Variants in NLRC4 observed in about 807,000 individuals in gnomAD.
The protein encoded by NLRC4 is NLR family CARD domain-containing protein 4.
In NLRC4, 63 loss-of-function variants were observed where a neutral mutation model predicts 79.9. The observed-to-expected ratio is 0.79, with a 90% CI of 0.64 to 0.97. NLRC4 has a LOEUF of 0.97. Among genes scored for constraint, NLRC4 ranks in the 50% least tolerant of loss-of-function variants. The pLI is 0.00. For synonymous variants in NLRC4, 461 were observed against 456.5 expected, an observed-to-expected ratio of 1.01 and a Z score of -0.12; for missense variants, 1,074 against 1,215.2, an observed-to-expected ratio of 0.88 and a Z score of 1.73.
At chr2:32,225,502 G>A (rs1686366039) in intron 8 of NLRC4, among the ~76,000 whole-genome samples, 1 of 151,926 alleles carries the variant, frequency 6.6e-6, no homozygotes, top group Admixed American at 6.6e-5. Flanking sequence ...CAGTTTAGGT[G>A]GTACTGGAAC....
At chr2:32,263,005 C>A (rs935773782) in intron 1 of NLRC4, among the ~76,000 whole-genome samples, 1 of 151,880 alleles carries the variant, frequency 6.6e-6, no homozygotes, top group Non-Finnish European at 1.5e-5. Flanking sequence ...CATAAGCCAC[C>A]ATGCCCAGCT....
At position 32,235,237 on chromosome 2, in the gene NLRC4, G is replaced by A. The variant is rs1299147741; in HGVS notation, c.2782+164C>T. On this transcript the variant is annotated intron_variant, in intron 8 of 8. Transcript: ENST00000402280. ...AAATAGAATCTGAAGGAAGGCCAGT[G>A]TTTTAAGTCTTCTTACTCTAACGTG... 2.0e-5 allele frequency among the ~76,000 whole-genome samples: 3 copies of A among 152,116 alleles called. No homozygotes were observed. In the East Asian group the frequency reaches 5.8e-4, roughly 29 times the overall value.
intron 4 of NLRC4, among the ~76,000 whole-genome samples, chr2:32,244,310 T>C (rs1286686720): frequency 1.3e-5 from 2 of 151,876 alleles, no homozygotes; most frequent in East Asian, 1.9e-4. Context: ...TAAAATGACA[T>C]GATCATATAA....
intron 1 of NLRC4, among the ~76,000 whole-genome samples, chr2:32,258,646 T>G (rs1231078689): frequency 6.6e-6 from 1 of 152,232 alleles, no homozygotes; most frequent in African/African-American, 2.4e-5. Context: ...CTTTATCCTA[T>G]GAGCAACTGG....
At chr2:32,235,291 T>A (rs548151595) in intron 8 of NLRC4, 110 bp downstream of exon 8, 35 of 760,056 alleles carry the variant, frequency 4.6e-5, no homozygotes, top group Middle Eastern at 2.7e-4. Flanking sequence ...ATTTATATTT[T>A]AAAAAAAAGA....
At position 32,250,779 on chromosome 2, in the gene NLRC4, A is replaced by G. The variant is rs750102680; in HGVS notation, c.1085T>C (p.Leu362Pro). The G allele has an allele frequency of 1.9e-6, 3 of 1,614,104 alleles. No homozygotes were observed. The highest frequency in any genetic ancestry group is 2.5e-6 in the Non-Finnish European group (3 of 1,180,028). The change falls in exon 4 of 9, where the codon CTG becomes CCG. Residue 362 changes from leucine to proline, a missense_variant. Transcript: ENST00000402280. The surrounding 1 kb of genome is among the most constrained non-coding windows in gnomAD (Gnocchi z 4.9). ...SEFHSHTQTTLFHTFYDLLIQ... is the reference protein window; with the variant it reads ...SEFHSHTQTTPFHTFYDLLIQ... ...CAACAGATCATAGAAGGTATGGAAC[A>G]GCGTTGTTTGTGTGTGAGAGTGGAA...
At chr2:32,262,232 C>T (rs1687370280) in intron 1 of NLRC4, among the ~76,000 whole-genome samples, 1 of 152,118 alleles carries the variant, frequency 6.6e-6, no homozygotes, top group Admixed American at 6.5e-5. Context: ...ATGACTGGCA[C>T]ACAGGAAGGA....
intron 8 of NLRC4, among the ~76,000 whole-genome samples, chr2:32,233,322 T>TAC (rs2148932486): frequency 1.6e-5 from 1 of 63,408 alleles, no homozygotes; most frequent in African/African-American, 8.0e-5. Context: ...AAATTTTAAA[T>TAC]ATATATATAT....
At chr2:32,259,814 A>T (rs1687296202) in intron 1 of NLRC4, among the ~76,000 whole-genome samples, 1 of 152,198 alleles carries the variant, frequency 6.6e-6, no homozygotes, top group African/African-American at 2.4e-5. Flanking sequence ...AAACGGAATC[A>T]TACAGTATGT....
At chr2:32,260,985 G>A (rs1280791189) in intron 1 of NLRC4, among the ~76,000 whole-genome samples, 1 of 151,982 alleles carries the variant, frequency 6.6e-6, no homozygotes, top group East Asian at 1.9e-4. Context: ...AAAGTCAGGA[G>A]ATCGAGACCA....
At chr2:32,242,248 A>G (rs181896439) in intron 4 of NLRC4, among the ~76,000 whole-genome samples, 24 of 152,368 alleles carry the variant, frequency 1.6e-4, no homozygotes, top group Middle Eastern at 3.4e-3. Flanking sequence ...TGAAAAGATC[A>G]ATAAAATTTA....
In NLRC4 at chr2:32,246,013, G is replaced by A. The variant is rs143736523; in HGVS notation, c.2257+3594C>T. Among the ~76,000 whole-genome samples, 368 of 151,836 alleles carry A rather than the reference G, an allele frequency of 2.4e-3. 7 individuals are homozygous for A. The East Asian group carries it at 0.044, about 18-fold the overall frequency. On this transcript the variant is annotated intron_variant, in intron 4 of 8. Coordinates refer to ENST00000402280, the MANE Select transcript of NLRC4 (RefSeq NM_001199138.2). ...AGCCTGGCCAACATGGTGAAACCCC[G>A]TCTGTACTAAAAATACAAAAATTAG...
Position 32,227,089 on chromosome 2 carries a change from TCTA to T in NLRC4, c.2783-2327_2783-2325del, listed in dbSNP as rs766523737. 5.9e-5 allele frequency among the ~76,000 whole-genome samples: 9 copies of T among 152,096 alleles called. 1 individual carries two copies. The South Asian group carries it at 1.7e-3, about 28-fold the overall frequency. ...TGTCACTTTTCCGCTTTTCCCCTCT[TCTA>T]CTAGGTTGAAATGATCACAGGGCAG... On this transcript the variant is annotated intron_variant, in intron 8 of 8. Transcript: ENST00000402280.
intron 4 of NLRC4, 68 bp from the exon 5 acceptor site, chr2:32,241,193 C>G: frequency 1.1e-6 from 1 of 945,458 alleles, no homozygotes; most frequent in Non-Finnish European, 1.7e-6. Context: ...TTTACTATTA[C>G]TGTCATTTTT....
chr2:32,250,665 C>G lies in NLRC4; in HGVS notation c.1199G>C (p.Gly400Ala). 6.2e-7 allele frequency: 1 copy of G among 1,614,158 alleles called. No homozygotes were observed. Among genetic ancestry groups the G allele is most frequent in the East Asian group, 2.2e-5 (1 of 44,880 alleles). The change falls in exon 4 of 9, where the codon GGT becomes GCT. Residue 400 changes from glycine (G) to alanine (A), a missense_variant. Gly to Ala is a moderately conservative substitution (Grantham distance 60, BLOSUM62 0). Coordinates refer to ENST00000402280, the MANE Select transcript of NLRC4 (RefSeq NM_001199138.2). This position sits in a 1 kb window ranked among gnomAD's most constrained non-coding sequence, Gnocchi z 4.9. The part of the protein sequence containing the change: ...LDHCGDLALE[G>A]VFSHKFDFEL... ...GAAATCAAACTTGTGGGAGAACACA[C>G]CCTCCAGAGCTAGGTCTCCACAGTG...
intron 8 of NLRC4, among the ~76,000 whole-genome samples, chr2:32,227,468 G>A (rs1686431464): frequency 6.6e-6 from 1 of 152,030 alleles, no homozygotes; most frequent in Admixed American, 6.6e-5. Flanking sequence ...TTCTCCATAT[G>A]CTTCCCAGCA....
Position 32,251,071 on chromosome 2 carries a change from T to C in NLRC4, c.793A>G (p.Ile265Val). 1 of 1,614,098 alleles carries C rather than the reference T, an allele frequency of 6.2e-7. No homozygotes were observed. The highest frequency in any genetic ancestry group is 8.5e-7 in the Non-Finnish European group (1 of 1,180,016). Residue 265 changes from isoleucine (I) to valine (V), a missense_variant, in exon 4 of 9, where the codon ATA (isoleucine) becomes GTA (valine). Coordinates refer to ENST00000402280, the MANE Select transcript of NLRC4 (RefSeq NM_001199138.2). ...PQNCPEIEAL[I>V]KENHRFKNMV... is the part of the protein sequence containing the mutation. ...TTCTTGAAGCGGTGGTTTTCCTTTATCAGGGCTTCGATTTCTGGGCAGTTC... is the reference window on the plus strand; with the variant it reads ...TTCTTGAAGCGGTGGTTTTCCTTTACCAGGGCTTCGATTTCTGGGCAGTTC...
chr2:32,232,420 T>G (rs1467288847), intron 8 of NLRC4, among the ~76,000 whole-genome samples: 2 of 152,206 alleles, frequency 1.3e-5, no homozygotes, highest in South Asian at 2.1e-4. Flanking sequence ...TTAAGGACAA[T>G]CCAGGCCTGG....
intron 2 of NLRC4, among the ~76,000 whole-genome samples, chr2:32,256,119 C>T (rs978448478): frequency 6.6e-6 from 1 of 152,100 alleles, no homozygotes; most frequent in African/African-American, 2.4e-5. Context: ...CCTTCCTTAT[C>T]AAGTAATTAG....
Sources: allele counts gnomAD v4.1 joint callset (sites outside exome capture counted in the v4.1 genomes callset), GRCh38; gene constraint gnomAD v4.1.1; non-coding constraint Gnocchi (gnomAD v3.1); transcripts MANE v1.5; gene names NCBI Gene and HGNC (gene_info 2026-07-23, HGNC 2026-07-21).